SPOP: variants seen among roughly 807,000 people sequenced by gnomAD.
SPOP encodes the protein speckle type BTB/POZ protein.
SPOP carries 11 observed loss-of-function variants against 45.6 expected under a neutral mutation model. The observed-to-expected ratio is 0.24, with a 90% CI of 0.15 to 0.40. The LOEUF is 0.40. Ranked by LOEUF, SPOP falls within the 10% of genes least tolerant of loss-of-function variation. The probability of loss-of-function intolerance (pLI) is 1.00; values close to 1 mark genes in which losing one functional copy is unlikely to be tolerated. For missense variants in SPOP, 152 were observed against 465.6 expected (o/e 0.33, Z 6.20); for synonymous variants, 166 against 166.3 (o/e 1.00, Z 0.01).
chr17:49,677,582 G>A (rs2073217329), intron 1 of SPOP, among the ~76,000 whole-genome samples: 1 of 152,096 alleles, frequency 6.6e-6, no homozygotes, highest in African/African-American at 2.4e-5. Flanking sequence ...CCCCGGGGCA[G>A]CGAAGAAGCA....
At chr17:49,676,133 A>C (rs1597993925) in intron 1 of SPOP, 1 of 152,390 alleles carries the variant, frequency 6.6e-6, no homozygotes, top group Non-Finnish European at 1.5e-5. Context: ...GTAATATCTA[A>C]GTATGGACAT....
At chr17:49,647,163 G>C (rs569247537) in intron 1 of SPOP, among the ~76,000 whole-genome samples, 26 of 151,708 alleles carry the variant, frequency 1.7e-4, no homozygotes, top group Admixed American at 1.2e-3. Context: ...AGGTGTGGTG[G>C]TGCATGCCTG....
At chr17:49,615,016 A>C (rs1274633862) in intron 5 of SPOP, among the ~76,000 whole-genome samples, 1 of 151,284 alleles carries the variant, frequency 6.6e-6, no homozygotes, top group African/African-American at 2.4e-5. Context: ...GTGCCATCAT[A>C]CCTGGCTAAT....
intron 1 of SPOP, among the ~76,000 whole-genome samples, chr17:49,661,544 C>T (rs1032154056): frequency 6.6e-6 from 1 of 152,180 alleles, no homozygotes; most frequent in Non-Finnish European, 1.5e-5. Flanking sequence ...ACCCCAGCTT[C>T]CCCAAAGAAC....
At chr17:49,653,737 A>G (rs1231399372) in intron 1 of SPOP, among the ~76,000 whole-genome samples, 1 of 151,538 alleles carries the variant, frequency 6.6e-6, no homozygotes, top group African/African-American at 2.4e-5. Flanking sequence ...ACCTTTCAGT[A>G]GAAGAGCCAG....
chr17:49,630,721 G>A (rs970657424), intron 1 of SPOP, among the ~76,000 whole-genome samples: 7 of 152,044 alleles, frequency 4.6e-5, no homozygotes, highest in African/African-American at 1.7e-4. Context: ...CAAAGCACTG[G>A]GAATATAGGC....
chr17:49,657,619 G>A (rs1355179471), intron 1 of SPOP, among the ~76,000 whole-genome samples: 1 of 150,002 alleles, frequency 6.7e-6, no homozygotes, highest in East Asian at 2.0e-4. Context: ...GGCTGGTCTT[G>A]AACTCCTGAC....
At chr17:49,601,676 C>G in intron 9 of SPOP, 189 bp downstream of exon 9, 1 of 651,548 alleles carries the variant, frequency 1.5e-6, no homozygotes, top group East Asian at 3.0e-5. Context: ...AAACACTTTA[C>G]TCACCAATAG....
At chr17:49,636,920 T>C (rs543640299) in intron 1 of SPOP, 5 of 152,260 alleles carry the variant, frequency 3.3e-5, no homozygotes, top group South Asian at 2.1e-4. Flanking sequence ...AAGCAGGTGA[T>C]ATATGAAAGA....
At chr17:49,603,660 A>G (rs1185643647) in intron 8 of SPOP, among the ~76,000 whole-genome samples, 1 of 152,230 alleles carries the variant, frequency 6.6e-6, no homozygotes, top group Non-Finnish European at 1.5e-5. Context: ...TCATTCCATG[A>G]AAGATTTCTT....
chr17:49,659,269 A>G (rs780165444), intron 1 of SPOP, among the ~76,000 whole-genome samples: 5 of 152,144 alleles, frequency 3.3e-5, no homozygotes, highest in African/African-American at 1.2e-4. Context: ...TTTGAACCTC[A>G]TCTACTCTTC....
chr17:49,616,520 T>C (rs2072089942), intron 5 of SPOP, among the ~76,000 whole-genome samples: 1 of 152,106 alleles, frequency 6.6e-6, no homozygotes, highest in African/African-American at 2.4e-5. Flanking sequence ...ATTCCACTGA[T>C]AGAAGGGAAA....
intron 1 of SPOP, among the ~76,000 whole-genome samples, chr17:49,658,190 T>C (rs965843243): frequency 6.6e-6 from 1 of 152,190 alleles, no homozygotes; most frequent in African/African-American, 2.4e-5. Flanking sequence ...ACACAATCAA[T>C]TTTTTATAGA....
At chr17:49,641,662 A>G (rs183287127) in intron 1 of SPOP, among the ~76,000 whole-genome samples, 1 of 152,206 alleles carries the variant, frequency 6.6e-6, no homozygotes, top group Admixed American at 6.5e-5. Context: ...TTATGCACTT[A>G]TTAATATTAA....
rs753453463 is a variant in SPOP at position 49,619,492 on chromosome 17, T to C, written c.201-107A>G. 2.4e-5 allele frequency: 30 copies of C among 1,226,214 alleles called. No individual in the cohort carries two copies. The highest frequency in any genetic ancestry group is 2.0e-4 in the South Asian group (13 of 63,966). 76.0% of individuals were successfully genotyped at this position (1,226,214 alleles called of 1,614,324 possible). A position where few individuals can be genotyped will look rare whatever the true frequency, so the allele number is the denominator to read the frequency against. On this transcript the variant is annotated intron_variant, in intron 3 of 9. Transcript: ENST00000504102. This position sits in a 1 kb window ranked among gnomAD's most constrained non-coding sequence, Gnocchi z 4.9. Reference sequence around the variant, plus strand: ...GTTTAAAAAACAAATGCAGGCCCCATAGAAGAATATAATTCAGTAGAATGA... The same window carrying C: ...GTTTAAAAAACAAATGCAGGCCCCACAGAAGAATATAATTCAGTAGAATGA...
In SPOP at chr17:49,611,353, C is replaced by G. The variant is rs2071968989; in HGVS notation, c.585G>C (p.Glu195Asp). The change falls in exon 6 of 10, where the codon GAG (glutamate) becomes GAC (aspartate). Residue 195 changes from glutamate (E) to aspartate (D), a missense_variant. By Grantham distance (45) the Glu-to-Asp change is conservative (BLOSUM62 2). Transcript: ENST00000504102. ...AGCAGCAGTCTGTGAACCGGGAATT[C>G]TCCCACAGTCCTCCTAACTCATCTG... ...RLADELGGLWENSRFTDCCLC... is the reference protein window; with the variant it reads ...RLADELGGLWDNSRFTDCCLC... 1 of 1,614,180 alleles carries G rather than the reference C, an allele frequency of 6.2e-7. No homozygotes were observed. The highest frequency in any genetic ancestry group is 1.1e-5 in the South Asian group (1 of 91,086).
intron 1 of SPOP, among the ~76,000 whole-genome samples, chr17:49,629,545 AC>A (rs2072409291): frequency 6.6e-6 from 1 of 152,240 alleles, no homozygotes; most frequent in African/African-American, 2.4e-5. Flanking sequence ...CATTTTGAAA[AC>A]AAAAATCAGT....
In SPOP at chr17:49,619,194, A is replaced by G. The variant is rs763497357; in HGVS notation, c.352+40T>C. 3.1e-6 allele frequency: 5 copies of G among 1,613,826 alleles called. No individual in the cohort carries two copies. In the African/African-American group the frequency reaches 6.7e-5, roughly 22 times the overall value. On this transcript the variant is annotated intron_variant, in intron 4 of 9. Coordinates refer to ENST00000504102, the MANE Select transcript of SPOP (RefSeq NM_001007228.2). The surrounding 1 kb of genome is among the most constrained non-coding windows in gnomAD (Gnocchi z 4.9). ...ACTTGTCAGTGTATGAAACTTCTGG[A>G]TGTGAAACTTAAGAGTTGAACAAAG... is the stretch of plus-strand genomic sequence containing the variant.
intron 5 of SPOP, among the ~76,000 whole-genome samples, chr17:49,617,921 C>G (rs1334262976): frequency 7.6e-6 from 1 of 131,104 alleles, no homozygotes; most frequent in African/African-American, 3.0e-5. Flanking sequence ...AAGACTCCGT[C>G]TCAAAAAAAA....
Sources: allele counts gnomAD v4.1 joint callset (sites outside exome capture counted in the v4.1 genomes callset), GRCh38; gene constraint gnomAD v4.1.1; non-coding constraint Gnocchi (gnomAD v3.1); transcripts MANE v1.5; gene names NCBI Gene and HGNC (gene_info 2026-07-23, HGNC 2026-07-21).